Variants in HCFC2 observed in about 807,000 individuals in gnomAD.
The protein encoded by HCFC2 is host cell factor C2, also known as host cell factor 2.
Under a neutral mutation model 89.2 loss-of-function variants are expected in HCFC2, and 18 were observed. The ratio of observed to expected loss-of-function variants is 0.20; its 90% CI spans 0.14 to 0.30. HCFC2 has a LOEUF of 0.30. Among genes scored for constraint, HCFC2 ranks in the 10% least tolerant of loss-of-function variants. The pLI is 1.00. For synonymous variants in HCFC2, 308 were observed against 335.7 expected, an observed-to-expected ratio of 0.92 and a Z score of 0.90; for missense variants, 578 against 956.1, an observed-to-expected ratio of 0.60 and a Z score of 5.21.
In HCFC2 at chr12:104,102,059, A is replaced by G. The variant is rs773982002; in HGVS notation, c.1970A>G (p.Asn657Ser). The G allele has an allele frequency of 1.9e-6, 3 of 1,614,132 alleles. No individual in the cohort carries two copies. The highest frequency in any genetic ancestry group is 2.2e-5 in the East Asian group (1 of 44,876). The change falls in exon 14 of 15, where the codon AAT becomes AGT. Residue 657 changes from asparagine (N) to serine (S), a missense_variant. Coordinates refer to ENST00000229330, the MANE Select transcript of HCFC2 (RefSeq NM_013320.3). ...TACAGATTCAGGGTTGCTGCAATCA[A>G]TGGTTGTGGGATAGGTCCTTTCAGC... ...TGYRFRVAAI[N>S]GCGIGPFSKI...
intron 3 of HCFC2, among the ~76,000 whole-genome samples, chr12:104,070,402 A>C (rs932145613): frequency 6.6e-6 from 1 of 152,166 alleles, no homozygotes; most frequent in Non-Finnish European, 1.5e-5. Context: ...TGTTTTGATC[A>C]CATTGTCATT....
chr12:104,097,305 G>A (rs1001781378), intron 12 of HCFC2, among the ~76,000 whole-genome samples: 1 of 151,978 alleles, frequency 6.6e-6, no homozygotes, highest in Non-Finnish European at 1.5e-5. Flanking sequence ...TTTCCAGAAT[G>A]TTAAGTTCTA....
At chr12:104,087,681 T>G (rs1156772083) in intron 8 of HCFC2, among the ~76,000 whole-genome samples, 1 of 152,002 alleles carries the variant, frequency 6.6e-6, no homozygotes, top group Non-Finnish European at 1.5e-5. Context: ...TTCATTTTTA[T>G]GTACTTTCCT....
intron 12 of HCFC2, 103 bp downstream of exon 12, chr12:104,096,536 G>A (rs1884184084): frequency 4.3e-6 from 3 of 696,844 alleles, no homozygotes; most frequent in African/African-American, 1.8e-5. Context: ...TCAGGTCTCA[G>A]TAATGAACTG....
chr12:104,073,168 T>A (rs1883383985), intron 3 of HCFC2, among the ~76,000 whole-genome samples: 1 of 97,872 alleles, frequency 1.0e-5, no homozygotes, highest in Non-Finnish European at 2.6e-5. Flanking sequence ...TCTGTTTGCC[T>A]TTTTTTTTTT....
At position 104,102,991 on chromosome 12, in the gene HCFC2, T is replaced by A; in HGVS notation, c.2097T>A (p.Pro699=). ...AAGGTATCCACCTTTCCTGGGAACC[T>A]CCAACCTCACCTTCTGGAAATATTT... ...NVEGIHLSWE[P]PTSPSGNILE... Residue 699 remains proline (P), a synonymous_variant, in exon 15 of 15, where the codon CCT becomes CCA. Transcript: ENST00000229330. The A allele has an allele frequency of 6.2e-7, 1 of 1,608,400 alleles. No homozygotes were observed. Among genetic ancestry groups the A allele is most frequent in the Non-Finnish European group, 8.5e-7 (1 of 1,176,840 alleles).
At chr12:104,074,728 A>G (rs1883442769) in intron 3 of HCFC2, among the ~76,000 whole-genome samples, 2 of 152,136 alleles carry the variant, frequency 1.3e-5, no homozygotes, top group South Asian at 2.1e-4. Flanking sequence ...TATATTTATT[A>G]GCGATTTTGC....
intron 9 of HCFC2, chr12:104,090,942 G>C (rs140696624): frequency 6.6e-5 from 10 of 152,104 alleles, no homozygotes; most frequent in East Asian, 3.9e-4. Flanking sequence ...ACCAACAAAT[G>C]TAAGTATCAG....
chr12:104,079,536 C>T lies in HCFC2; in HGVS notation c.565C>T (p.Pro189Ser). ...AGTGACTAAAGGGGTTGTGCCTTCT[C>T]CAAGAGAATCCCACACAGCTGTTAT... ...IPVTKGVVPSPRESHTAVIYC... is the reference protein window; with the variant it reads ...IPVTKGVVPSSRESHTAVIYC... Residue 189 changes from proline to serine, a missense_variant, in exon 4 of 15, where the codon CCA becomes TCA. Around this residue, in one of 4 missense-constraint regions of HCFC2, gnomAD observed 206 missense variants for 419.2 expected, o/e 0.49. Transcript: ENST00000229330. 1 of 1,613,992 alleles carries T rather than the reference C, an allele frequency of 6.2e-7. No homozygotes were observed. Among genetic ancestry groups the T allele is most frequent in the Non-Finnish European group, 8.5e-7 (1 of 1,179,942 alleles).
At chr12:104,072,073 T>C (rs1883339900) in intron 3 of HCFC2, among the ~76,000 whole-genome samples, 2 of 152,256 alleles carry the variant, frequency 1.3e-5, no homozygotes, top group Non-Finnish European at 2.9e-5. Context: ...TTTTATTTTT[T>C]AATCAGAAAT....
chr12:104,070,688 A>T lies in HCFC2; in HGVS notation c.473+2581A>T, dbSNP rs567363346. Among the ~76,000 whole-genome samples, 3 of 152,288 alleles carry T rather than the reference A, an allele frequency of 2.0e-5. No homozygotes were observed. The East Asian group carries it at 5.8e-4, about 29-fold the overall frequency. The stretch of plus-strand genomic sequence containing the variant: ...GCATTAGATTGATGGTAGGATCTTA[A>T]CTTTTTTTCCAAACTTTTTTAAAAT... On this transcript the variant is annotated intron_variant, in intron 3 of 14. Coordinates refer to ENST00000229330, the MANE Select transcript of HCFC2 (RefSeq NM_013320.3).
At chr12:104,091,519 C>G (rs1258316114) in intron 9 of HCFC2, among the ~76,000 whole-genome samples, 8 of 152,296 alleles carry the variant, frequency 5.3e-5, no homozygotes, top group Non-Finnish European at 8.8e-5. Flanking sequence ...TTCATACTTT[C>G]AAAAATTCCT....
chr12:104,093,315 G>T (rs552634632), intron 9 of HCFC2, 71 bp from the exon 10 acceptor site: 645 of 984,378 alleles, frequency 6.6e-4, no homozygotes, highest in Non-Finnish European at 8.7e-4. Flanking sequence ...AACTTATTTT[G>T]CTTGTTTTTT....
intron 13 of HCFC2, among the ~76,000 whole-genome samples, chr12:104,099,431 G>A (rs564296001): frequency 2.2e-4 from 33 of 152,042 alleles, no homozygotes; most frequent in African/African-American, 8.0e-4. Flanking sequence ...TACATCACAA[G>A]CATGTCATTT....
rs1593614349 is a variant in HCFC2 at position 104,101,844 on chromosome 12, C to T, written c.1879-124C>T. 4.6e-5 allele frequency: 26 copies of T among 563,506 alleles called. No homozygotes were observed. The East Asian group carries it at 8.0e-4, about 17-fold the overall frequency. The allele number at this position is 563,506 out of a possible 1,614,324, so 34.9% of individuals were successfully genotyped here. ...TGAGAGAGAGGGAGATAAATGTGAA[C>T]CAGAACCTTAAAACATAATTTATTC... On this transcript the variant is annotated intron_variant, in intron 13 of 14. Transcript: ENST00000229330.
chr12:104,098,328 T>C lies in HCFC2; in HGVS notation c.1741-15T>C, dbSNP rs779212616. ...CAATAAGAGTCTTCATAAATTTTTT[T>C]TTCTCTGAAATTAGAAAGAGACTCC... On this transcript the variant is annotated splice_polypyrimidine_tract_variant and intron_variant, in intron 12 of 14. Transcript: ENST00000229330. 2.5e-6 allele frequency: 4 copies of C among 1,582,358 alleles called. No homozygotes were observed. In the East Asian group the frequency reaches 8.9e-5, roughly 35 times the overall value.
At chr12:104,086,057 T>C (rs1288814699) in intron 7 of HCFC2, among the ~76,000 whole-genome samples, 2 of 149,116 alleles carry the variant, frequency 1.3e-5, no homozygotes, top group East Asian at 2.0e-4. Flanking sequence ...GAGTGCAGTG[T>C]TGCGACCTCG....
chr12:104,080,636 A>G (rs1883656807), intron 4 of HCFC2, 110 bp from the exon 5 acceptor site: 2 of 607,802 alleles, frequency 3.3e-6, no homozygotes, highest in East Asian at 6.2e-5. Context: ...CTGTTCTAAA[A>G]TACTTTGTTT....
chr12:104,102,942 T>C lies in HCFC2; in HGVS notation c.2065-17T>C, dbSNP rs541298116. ...AACTTAAGAACCTTTAACCTGTTTT[T>C]TCCCCCCCCCTTCAAGAATGTTGAA... On this transcript the variant is annotated splice_polypyrimidine_tract_variant and intron_variant, in intron 14 of 14. Coordinates refer to ENST00000229330, the MANE Select transcript of HCFC2 (RefSeq NM_013320.3). The C allele has an allele frequency of 2.2e-5, 35 of 1,587,740 alleles. No individual in the cohort carries two copies. The highest frequency in any genetic ancestry group is 1.5e-4 in the Admixed American group (9 of 58,524).
Sources: gnomAD v4.1 joint callset for allele counts (sites outside exome capture counted in the v4.1 genomes callset) on GRCh38, gnomAD v4.1.1 for gene constraint, gnomAD v4.1.1 regional missense constraint, MANE v1.5 for transcripts, NCBI Gene and HGNC (gene_info 2026-07-23, HGNC 2026-07-21) for gene names.